The following QSOX1 variants were observed in gnomAD, a reference collection of about 807,000 sequenced individuals.
The protein encoded by QSOX1 is sulfhydryl oxidase 1.
In QSOX1, 40 loss-of-function variants were observed where a neutral mutation model predicts 76.1. The ratio of observed to expected loss-of-function variants is 0.53; its 90% CI spans 0.41 to 0.68. QSOX1 has a LOEUF of 0.68. QSOX1 is among the 30% of genes least tolerant of loss of function. QSOX1 has a pLI of 0.00. For missense variants in QSOX1, 931 were observed against 974.3 expected, an observed-to-expected ratio of 0.96 and a Z score of 0.59; for synonymous variants, 392 against 413.1, an observed-to-expected ratio of 0.95 and a Z score of 0.62.
chr1:180,167,920 G>A (rs1163613810), intron 2 of QSOX1, among the ~76,000 whole-genome samples: 1 of 152,266 alleles, frequency 6.6e-6, no homozygotes, highest in Non-Finnish European at 1.5e-5. Flanking sequence ...GTGGCCCTGA[G>A]TGGGAAGCTG....
chr1:180,196,904 G>A lies in QSOX1; in HGVS notation c.2111G>A (p.Gly704Asp), dbSNP rs1212940409. 3.8e-6 allele frequency: 6 copies of A among 1,593,122 alleles called. No homozygotes were observed. The highest frequency in any genetic ancestry group is 1.7e-4 in the Middle Eastern group (1 of 5,958). ...CAGTGGCTGCAGGTGCTGGGAGGGG[G>A]CTTCTCTTACCTGGACATCAGCCTC... is the stretch of plus-strand genomic sequence containing the variant. The part of the protein sequence containing the change: ...RGQWLQVLGG[G>D]FSYLDISLCV... The change falls in exon 12 of 12, where the codon GGC (glycine) becomes GAC (aspartate). Residue 704 changes from glycine to aspartate, a missense_variant. Coordinates refer to ENST00000367602, the MANE Select transcript of QSOX1 (RefSeq NM_002826.5). This position sits in a 1 kb window ranked among gnomAD's most constrained non-coding sequence, Gnocchi z 4.1.
At chr1:180,181,369 G>A (rs1489724496) in intron 5 of QSOX1, among the ~76,000 whole-genome samples, 2 of 152,182 alleles carry the variant, frequency 1.3e-5, no homozygotes, top group African/African-American at 4.8e-5. Context: ...CATTTCTAAT[G>A]TGGGGACATT....
rs1184948095 is a variant in QSOX1, at chr1:180,196,758, C to T, written c.1965C>T (p.Ser655=). 1.2e-5 allele frequency: 19 copies of T among 1,614,000 alleles called. No individual in the cohort carries two copies. The highest frequency in any genetic ancestry group is 1.6e-5 in the Non-Finnish European group (19 of 1,180,018). Residue 655 remains serine (S), a synonymous_variant, in exon 12 of 12, where the codon TCC becomes TCT. Coordinates refer to ENST00000367602, the MANE Select transcript of QSOX1 (RefSeq NM_002826.5). The surrounding 1 kb of genome is among the most constrained non-coding windows in gnomAD (Gnocchi z 4.1). Reference sequence around the variant, plus strand: ...CAGGGGCTGCATTGCTGGCTGAGTCCAGGGCTGAGAAGAACCGCCTCTGGG... The same window carrying T: ...CAGGGGCTGCATTGCTGGCTGAGTCTAGGGCTGAGAAGAACCGCCTCTGGG... ...RDTGAALLAE[S]RAEKNRLWGP...
chr1:180,188,863 T>TGCACACAC lies in QSOX1; in HGVS notation c.1018-680_1018-673dup, dbSNP rs1193113293. Among the ~76,000 whole-genome samples the TGCACACAC allele has an allele frequency of 2.6e-5, 4 of 152,364 alleles. No homozygotes were observed. In the East Asian group the frequency reaches 7.7e-4, roughly 29 times the overall value. On this transcript the variant is annotated intron_variant, in intron 8 of 11. Coordinates refer to ENST00000367602, the MANE Select transcript of QSOX1 (RefSeq NM_002826.5). Reference sequence around the variant, plus strand: ...CCCTCCGCCCCTTGTGCTGTGCACGTGCACACACGCACACACACACACATA... The same window carrying TGCACACAC: ...CCCTCCGCCCCTTGTGCTGTGCACGTGCACACACGCACACACGCACACACACACACATA...
In QSOX1 at chr1:180,190,599, C is replaced by T. The variant is rs1572053839; in HGVS notation, c.1288+19C>T. On this transcript the variant is annotated intron_variant, in intron 10 of 11. Transcript: ENST00000367602. ...GAAGCAGGTACGTCCAGGACCCGTTCACCCCACTGTGCCTCCAACCCTGCT... is the reference window on the plus strand; with the variant it reads ...GAAGCAGGTACGTCCAGGACCCGTTTACCCCACTGTGCCTCCAACCCTGCT... The T allele has an allele frequency of 1.9e-6, 3 of 1,605,414 alleles. No homozygotes were observed. The African/African-American group carries it at 4.0e-5, about 21-fold the overall frequency.
chr1:180,198,630 T>C lies in QSOX1; in HGVS notation c.*1593T>C, dbSNP rs2149244852. ...GGGGAGGGATGGCAGTCTCCCTGCA[T>C]GTTTCCCTCGACCTCTTTAGCTGCA... On this transcript the variant is annotated 3_prime_UTR_variant, in exon 12 of 12. Transcript: ENST00000367602. The C allele has an allele frequency of 2.8e-6, 1 of 351,258 alleles. No individual in the cohort carries two copies. Among genetic ancestry groups the C allele is most frequent in the Non-Finnish European group, 5.7e-6 (1 of 176,106 alleles). The allele number at this position is 351,258 out of a possible 1,614,324, so 21.8% of individuals were successfully genotyped here.
At chr1:180,176,409 C>T (rs1394763499) in intron 4 of QSOX1, among the ~76,000 whole-genome samples, 8 of 152,184 alleles carry the variant, frequency 5.3e-5, no homozygotes, top group East Asian at 1.9e-4. Context: ...GCTCTATCCC[C>T]GGGAAGGCCA....
Position 180,193,233 on chromosome 1 carries a change from C to T in QSOX1, c.1289-980C>T, listed in dbSNP as rs540703128. The stretch of plus-strand genomic sequence containing the variant: ...TGACGCAGTAAAGAAAAAACACTAA[C>T]GGGAGTGAAATCCTGGAGGTGAGGA... On this transcript the variant is annotated intron_variant, in intron 10 of 11. Transcript: ENST00000367602. Among the ~76,000 whole-genome samples, 41 of 152,096 alleles carry T rather than the reference C, an allele frequency of 2.7e-4. No individual in the cohort carries two copies. The South Asian group carries it at 5.4e-3, about 20-fold the overall frequency.
At chr1:180,175,529 CA>C (rs772208867) in intron 3 of QSOX1, among the ~76,000 whole-genome samples, 163 bp downstream of exon 3, 2 of 152,174 alleles carry the variant, frequency 1.3e-5, no homozygotes, top group Non-Finnish European at 2.9e-5. Flanking sequence ...ACTATCCTCC[CA>C]GTCAGCTTTA....
At chr1:180,186,300 A>G in intron 8 of QSOX1, 118 bp downstream of exon 8, 1 of 1,339,818 alleles carries the variant, frequency 7.5e-7, no homozygotes, top group African/African-American at 1.5e-5. Flanking sequence ...CTGGCTGGAC[A>G]CCTGGACCCA....
At position 180,189,899 on chromosome 1, in the gene QSOX1, A is replaced by G. The variant is rs549411249; in HGVS notation, c.1140+225A>G. The stretch of plus-strand genomic sequence containing the variant: ...TGGAAGGTAGATATTCTCCCCATTT[A>G]GCAGATGAAGAAACAGTACTTTGAA... On this transcript the variant is annotated intron_variant, in intron 9 of 11. Transcript: ENST00000367602. Among the ~76,000 whole-genome samples the G allele has an allele frequency of 8.5e-5, 13 of 152,346 alleles. No homozygotes were observed. In the East Asian group the frequency reaches 2.3e-3, roughly 27 times the overall value.
At chr1:180,181,017 T>C (rs1306742340) in intron 5 of QSOX1, among the ~76,000 whole-genome samples, 3 of 152,196 alleles carry the variant, frequency 2.0e-5, no homozygotes, top group Admixed American at 6.6e-5. Context: ...AGGATTCCAA[T>C]GCAGGCAACT....
At chr1:180,193,646 G>A (rs1370774452) in intron 10 of QSOX1, among the ~76,000 whole-genome samples, 1 of 151,172 alleles carries the variant, frequency 6.6e-6, no homozygotes, top group Non-Finnish European at 1.5e-5. Flanking sequence ...GCAAGAAAGT[G>A]GGGCTGGTTA....
At chr1:180,164,628 A>G (rs1017262850) in intron 1 of QSOX1, among the ~76,000 whole-genome samples, 3 of 152,114 alleles carry the variant, frequency 2.0e-5, no homozygotes, top group Non-Finnish European at 1.5e-5. Flanking sequence ...CTCTTCCTGC[A>G]TCTGTCTCGT....
intron 5 of QSOX1, 41 bp from the exon 6 acceptor site, chr1:180,182,133 A>T (rs1353530786): frequency 6.2e-7 from 1 of 1,607,530 alleles, no homozygotes; most frequent in Admixed American, 1.7e-5. Context: ...GGCTCCCTCC[A>T]CCCGGTGGCC....
intron 1 of QSOX1, among the ~76,000 whole-genome samples, chr1:180,163,235 G>T (rs1449881094): frequency 6.6e-6 from 1 of 151,774 alleles, no homozygotes; most frequent in Non-Finnish European, 1.5e-5. Flanking sequence ...GTCCTGTACT[G>T]TTCCTCTTTC....
chr1:180,195,915 T>G (rs974712387), intron 11 of QSOX1, among the ~76,000 whole-genome samples: 7 of 152,198 alleles, frequency 4.6e-5, no homozygotes, highest in Non-Finnish European at 5.9e-5. Flanking sequence ...CTTTCCCATG[T>G]CTGGTACTGG....
intron 8 of QSOX1, among the ~76,000 whole-genome samples, chr1:180,188,181 G>T (rs1663220233): frequency 6.6e-6 from 1 of 152,168 alleles, no homozygotes; most frequent in Non-Finnish European, 1.5e-5. Context: ...ACCACCAAGT[G>T]CATGGTGCTC....
intron 8 of QSOX1, among the ~76,000 whole-genome samples, chr1:180,188,161 C>T (rs907504345): frequency 5.3e-5 from 8 of 152,206 alleles, no homozygotes; most frequent in Non-Finnish European, 1.2e-4. Flanking sequence ...GCATCCAGCC[C>T]ATGCCCATTA....
Sources: gnomAD v4.1 joint callset for allele counts (sites outside exome capture counted in the v4.1 genomes callset) on GRCh38, gnomAD v4.1.1 for gene constraint, Gnocchi (gnomAD v3.1) non-coding constraint, MANE v1.5 for transcripts, NCBI Gene and HGNC (gene_info 2026-07-23, HGNC 2026-07-21) for gene names.